CENPC: variants seen among roughly 807,000 people sequenced by gnomAD.
The protein encoded by CENPC is centromere protein C, also known as CENP-C 1.
Under a neutral mutation model 112.1 loss-of-function variants are expected in CENPC, and 63 were observed. That is an observed-to-expected ratio of 0.56 (90% confidence interval 0.46 to 0.69). The LOEUF is 0.69. Among genes scored for constraint, CENPC ranks in the 30% least tolerant of loss-of-function variants. The probability of loss-of-function intolerance (pLI) is 0.00; values close to 1 mark genes in which losing one functional copy is unlikely to be tolerated. For synonymous variants in CENPC, 333 were observed against 367.6 expected (o/e 0.91, Z 1.08); for missense variants, 1,000 against 1,103.8 (o/e 0.91, Z 1.33).
At chr4:67,479,211 G>A (rs1382066475) in intron 17 of CENPC, among the ~76,000 whole-genome samples, 1 of 151,950 alleles carries the variant, frequency 6.6e-6, no homozygotes, top group Non-Finnish European at 1.5e-5. Context: ...CTATACACTG[G>A]AACAAATGGA....
Position 67,512,476 on chromosome 4 carries a change from A to ACTT in CENPC, c.1535_1537dup (p.Glu512dup). The stretch of plus-strand genomic sequence containing the variant: ...TCGACTTTTCGTGACAGTTGAAGTC[A>ACTT]CTTCTTCAGGTACAAGTTTGTTCTT... On this transcript the variant is annotated inframe_insertion, in exon 9 of 19. Transcript: ENST00000273853. 1.3e-6 allele frequency: 2 copies of ACTT among 1,598,944 alleles called. No individual in the cohort carries two copies. The highest frequency in any genetic ancestry group is 1.7e-6 in the Non-Finnish European group (2 of 1,172,438).
Position 67,470,680 on chromosome 4 carries a change from AC to A in CENPC, c.*1924del, listed in dbSNP as rs1724636397. On this transcript the variant is annotated 3_prime_UTR_variant, in exon 19 of 19. Coordinates refer to ENST00000273853, the MANE Select transcript of CENPC (RefSeq NM_001812.4). ...CTGTGGCCTCCTTGAGTGAGGTCTC[AC>A]CCACCCCTAGGTTGATTGGTAAAAA... 6.6e-6 allele frequency: 1 copy of A among 152,196 alleles called. No individual in the cohort carries two copies. The highest frequency in any genetic ancestry group is 2.4e-5 in the African/African-American group (1 of 41,422). The allele number at this position is 152,196 out of a possible 1,614,324, so 9.4% of individuals were successfully genotyped here.
At chr4:67,520,671 C>A (rs1186362167) in intron 5 of CENPC, among the ~76,000 whole-genome samples, 1 of 152,112 alleles carries the variant, frequency 6.6e-6, no homozygotes, top group Non-Finnish European at 1.5e-5. Flanking sequence ...CAAAATACCA[C>A]TATTACTCTG....
intron 5 of CENPC, among the ~76,000 whole-genome samples, chr4:67,528,268 A>AGGAGGGAGG (rs1218390828): frequency 2.0e-5 from 3 of 152,212 alleles, no homozygotes; most frequent in Non-Finnish European, 4.4e-5. Context: ...ACCCAATACT[A>AGGAGGGAGG]GGAGGGAGGG....
intron 5 of CENPC, among the ~76,000 whole-genome samples, chr4:67,528,131 T>G (rs1046661561): frequency 2.0e-5 from 3 of 152,144 alleles, no homozygotes; most frequent in Non-Finnish European, 4.4e-5. Context: ...ATTAATTTTT[T>G]TAAAAACCTT....
chr4:67,519,335 T>C lies in CENPC; in HGVS notation c.499A>G (p.Thr167Ala). 1 of 1,612,858 alleles carries C rather than the reference T, an allele frequency of 6.2e-7. No homozygotes were observed. The highest frequency in any genetic ancestry group is 1.3e-5 in the African/African-American group (1 of 75,022). ...GSPSVLLDAK[T>A]SVSQNVIPSS... ...GGAATAACATTTTGTGATACAGATG[T>C]TTTTGCATCCAAAAGAACAGAAGGT... Residue 167 changes from threonine to alanine, a missense_variant, in exon 6 of 19, where the codon ACA (threonine) becomes GCA (alanine). By Grantham distance (58) the Thr-to-Ala change is moderately conservative. Coordinates refer to ENST00000273853, the MANE Select transcript of CENPC (RefSeq NM_001812.4).
At chr4:67,491,468 TATATATATATATAGAG>T (rs1345847458) in intron 16 of CENPC, among the ~76,000 whole-genome samples, 83 of 54,650 alleles carry the variant, frequency 1.5e-3, no homozygotes, top group African/African-American at 3.3e-3. Context: ...TATATATATA[TATATATATATATAGAG>T]AGAGAGAGAG....
Position 67,518,358 on chromosome 4 carries a change from C to G in CENPC, c.628G>C (p.Asp210His). 1 of 1,525,016 alleles carries G rather than the reference C, an allele frequency of 6.6e-7. No individual in the cohort carries two copies. The highest frequency in any genetic ancestry group is 1.3e-5 in the South Asian group (1 of 77,876). 94.5% of individuals were successfully genotyped at this position (1,525,016 alleles called of 1,614,324 possible). A position where few individuals can be genotyped will look rare whatever the true frequency, so the allele number is the denominator to read the frequency against. Reference sequence around the variant, plus strand: ...ATTTTCTTTAACATAACTTTATCATCAAAGTTTAACCTAAAAGGTTAAAAG... The same window carrying G: ...ATTTTCTTTAACATAACTTTATCATGAAAGTTTAACCTAAAAGGTTAAAAG... ...SVKTKKRLNF[D>H]DKVMLKKIEI... The change falls in exon 7 of 19, where the codon GAT becomes CAT. Residue 210 changes from aspartate to histidine, a missense_variant. Physicochemically the swap from Asp to His is moderately conservative, Grantham distance 81. Transcript: ENST00000273853.
chr4:67,472,798 C>G (rs1427320632), intron 18 of CENPC, 123 bp from the exon 19 acceptor site: 1 of 1,107,266 alleles, frequency 9.0e-7, no homozygotes, highest in African/African-American at 1.6e-5. Context: ...TTCACCTAAC[C>G]TAAAGTAACT....
rs370020579 is a variant in CENPC at position 67,518,321 on chromosome 4, T to C, written c.665A>G (p.Asn222Ser). ...TTTATCCTCTTCATCTGATACTTTA[T>C]TATCTATTTCTATTTTCTTTAACAT... ...KVMLKKIEID[N>S]KVSDEEDKTS... Residue 222 changes from asparagine to serine, a missense_variant, in exon 7 of 19, where the codon AAT (asparagine) becomes AGT (serine). Physicochemically the swap from Asn to Ser is conservative, Grantham distance 46. Coordinates refer to ENST00000273853, the MANE Select transcript of CENPC (RefSeq NM_001812.4). 104 of 1,543,224 alleles carry C rather than the reference T, an allele frequency of 6.7e-5. No homozygotes were observed. In the South Asian group the frequency reaches 6.9e-4, roughly 10 times the overall value.
In CENPC at chr4:67,518,205, T is replaced by A. The variant is rs749863702; in HGVS notation, c.781A>T (p.Ser261Cys). 6.4e-6 allele frequency: 10 copies of A among 1,555,764 alleles called. No homozygotes were observed. In the East Asian group the frequency reaches 2.3e-4, roughly 36 times the overall value. The change falls in exon 7 of 19, where the codon AGT becomes TGT. Residue 261 changes from serine to cysteine, a missense_variant. Physicochemically the swap from Ser to Cys is moderately radical, Grantham distance 112. Transcript: ENST00000273853. Reference sequence around the variant, plus strand: ...GTTTCTAAAAACAATGTTGAAAAACTTTTTTTAGCTTGTCGTTGAATTTCA... The same window carrying A: ...GTTTCTAAAAACAATGTTGAAAAACATTTTTTAGCTTGTCGTTGAATTTCA... ...EYEIQRQAKK[S>C]FSTLFLETVK...
At chr4:67,534,168 T>C (rs933576218) in intron 4 of CENPC, among the ~76,000 whole-genome samples, 22 of 152,024 alleles carry the variant, frequency 1.4e-4, no homozygotes, top group African/African-American at 4.6e-4. Flanking sequence ...GTAATCCCCA[T>C]ACTTTGGGAG....
chr4:67,492,940 G>T lies in CENPC; in HGVS notation c.2348C>A (p.Ala783Glu). ...GTTGACTTTTCCAATATTTTCTTTT[G>T]CCTTCCTTTTAGACGATATTGTGTC... ...SPDTISSKRK[A>E]KENIGKVNKK... The change falls in exon 15 of 19, where the codon GCA becomes GAA. Residue 783 changes from alanine to glutamate, a missense_variant. Coordinates refer to ENST00000273853, the MANE Select transcript of CENPC (RefSeq NM_001812.4). 5 of 1,557,490 alleles carry T rather than the reference G, an allele frequency of 3.2e-6. No individual in the cohort carries two copies. The highest frequency in any genetic ancestry group is 4.3e-6 in the Non-Finnish European group (5 of 1,149,448).
intron 2 of CENPC, among the ~76,000 whole-genome samples, chr4:67,543,095 G>T (rs1726932629): frequency 6.6e-6 from 1 of 152,128 alleles, no homozygotes; most frequent in African/African-American, 2.4e-5. Context: ...ATGTGTGTGT[G>T]TGTTTATATC....
intron 4 of CENPC, among the ~76,000 whole-genome samples, chr4:67,536,557 A>G (rs892668619): frequency 6.6e-6 from 1 of 152,156 alleles, no homozygotes; most frequent in Non-Finnish European, 1.5e-5. Flanking sequence ...AGAAAAGCCT[A>G]TAAGATAGAT....
chr4:67,473,145 G>A (rs1445591120), intron 18 of CENPC, among the ~76,000 whole-genome samples: 2 of 151,952 alleles, frequency 1.3e-5, no homozygotes, highest in Non-Finnish European at 2.9e-5. Context: ...GCCCAGGCAG[G>A]TCTCGAACTC....
chr4:67,475,570 A>T (rs1724781653), intron 17 of CENPC, among the ~76,000 whole-genome samples: 1 of 152,188 alleles, frequency 6.6e-6, no homozygotes, highest in Non-Finnish European at 1.5e-5. Context: ...GGTTCTCTCT[A>T]CATAACTGTG....
At chr4:67,473,514 C>G (rs1188196913) in intron 18 of CENPC, among the ~76,000 whole-genome samples, 1 of 152,084 alleles carries the variant, frequency 6.6e-6, no homozygotes, top group Non-Finnish European at 1.5e-5. Context: ...ATTTATATAT[C>G]CCAAATCTTG....
intron 12 of CENPC, among the ~76,000 whole-genome samples, chr4:67,501,826 T>C (rs1016886483): frequency 2.0e-5 from 3 of 152,160 alleles, no homozygotes; most frequent in African/African-American, 7.2e-5. Flanking sequence ...CGTGTATTTA[T>C]TAGAGGAGGC....
Sources: allele counts gnomAD v4.1 joint callset (sites outside exome capture counted in the v4.1 genomes callset), GRCh38; gene constraint gnomAD v4.1.1; transcripts MANE v1.5; gene names NCBI Gene and HGNC (gene_info 2026-07-23, HGNC 2026-07-21).